Variants in ZNF778 observed in about 807,000 individuals in gnomAD.
ZNF778 encodes zinc finger protein 778.
ZNF778 carries 37 observed loss-of-function variants against 23.9 expected under a neutral mutation model. The observed-to-expected ratio is 1.54, with a 90% CI of 1.19 to 2.03. The LOEUF (loss-of-function observed/expected upper bound fraction) is 2.03. Among genes scored for constraint, ZNF778 ranks in the 30% most tolerant of loss-of-function variants. ZNF778 has a pLI of 0.00. For synonymous variants in ZNF778, 483 were observed against 343.9 expected (o/e 1.40, Z -4.48); for missense variants, 1,297 against 934.4 (o/e 1.39, Z -5.06).
At position 89,232,819 on chromosome 16, in the gene ZNF778, C is replaced by T. The variant is rs62068537; in HGVS notation, c.*4257C>T. 1,097,455 of 1,275,556 alleles carry T rather than the reference C, an allele frequency of 0.86. 478,312 individuals carry two copies. The highest frequency in any genetic ancestry group is 0.9 in the Non-Finnish European group (878,148 of 978,222). 79.0% of individuals were successfully genotyped at this position (1,275,556 alleles called of 1,614,324 possible). A position where few individuals can be genotyped will look rare whatever the true frequency, so the allele number is the denominator to read the frequency against. On this transcript the variant is annotated 3_prime_UTR_variant, in exon 7 of 7. Coordinates refer to ENST00000433976, the MANE Select transcript of ZNF778 (RefSeq NM_001201407.2). ...TCAACTCACTGCATATGCAACTCAA[C>T]TCACACCGTATATGCAACTCAACTC...
chr16:89,227,509 C>G lies in ZNF778; in HGVS notation c.1221C>G (p.Cys407Trp). 1 of 1,613,876 alleles carries G rather than the reference C, an allele frequency of 6.2e-7. No individual in the cohort carries two copies. The highest frequency in any genetic ancestry group is 8.5e-7 in the Non-Finnish European group (1 of 1,179,934). The change falls in exon 7 of 7, where the codon TGC becomes TGG. Residue 407 changes from cysteine to tryptophan, a missense_variant. Cys to Trp is a radical substitution (Grantham distance 215). Coordinates refer to ENST00000433976, the MANE Select transcript of ZNF778 (RefSeq NM_001201407.2). Reference protein sequence around the residue: ...VCGKYFRNSSCLNNHVRIHTG... With the variant: ...VCGKYFRNSSWLNNHVRIHTG... ...GAAAATATTTTAGAAATTCCTCATG[C>G]CTTAATAATCATGTTCGAATTCACA...
At chr16:89,220,848 A>G in intron 1 of ZNF778, 149 bp from the exon 2 acceptor site, 1 of 440,862 alleles carries the variant, frequency 2.3e-6, no homozygotes, top group Non-Finnish European at 4.2e-6. Flanking sequence ...TTTGACCCAT[A>G]TACTGCTCTT....
At position 89,231,662 on chromosome 16, in the gene ZNF778, C is replaced by CT. The variant is rs1371424466; in HGVS notation, c.*3101dup. 2 of 152,188 alleles carry CT rather than the reference C, an allele frequency of 1.3e-5. No individual in the cohort carries two copies. Among genetic ancestry groups the CT allele is most frequent in the Non-Finnish European group, 2.9e-5 (2 of 68,056 alleles). 9.4% of individuals were successfully genotyped at this position (152,188 alleles called of 1,614,324 possible). On this transcript the variant is annotated 3_prime_UTR_variant, in exon 7 of 7. Transcript: ENST00000433976. ...GTAATCTCAACCAAAACCCACAGCC[C>CT]TGCACCCCTTGCCTGTAGGAAAATC...
At position 89,232,986 on chromosome 16, in the gene ZNF778, G is replaced by A. The variant is rs550343196; in HGVS notation, c.*4424G>A. The A allele has an allele frequency of 3.2e-6, 4 of 1,261,914 alleles. No individual in the cohort carries two copies. The highest frequency in any genetic ancestry group is 4.1e-6 in the Non-Finnish European group (4 of 976,206). The allele number at this position is 1,261,914 out of a possible 1,614,324, so 78.2% of individuals were successfully genotyped here. On this transcript the variant is annotated 3_prime_UTR_variant, in exon 7 of 7. Transcript: ENST00000433976. ...CTGCGTATGCAACTGAGCTCGCTCT[G>A]CGTATGCAACCCAGCTCGCTCTGCG...
Position 89,227,586 on chromosome 16 carries a change from G to A in ZNF778, c.1298G>A (p.Arg433His), listed in dbSNP as rs190399970. 159 of 1,614,100 alleles carry A rather than the reference G, an allele frequency of 9.9e-5. No homozygotes were observed. Among genetic ancestry groups the A allele is most frequent in the South Asian group, 7.6e-4 (69 of 91,078 alleles). ...TACTGTGGGAAGGCCTTCACTGTGCGCTGTGGCCTTACTAGACACGTACGA... is the reference window on the plus strand; with the variant it reads ...TACTGTGGGAAGGCCTTCACTGTGCACTGTGGCCTTACTAGACACGTACGA... Reference protein sequence around the residue: ...CSYCGKAFTVRCGLTRHVRTH... With the variant: ...CSYCGKAFTVHCGLTRHVRTH... Residue 433 changes from arginine (R) to histidine (H), a missense_variant, in exon 7 of 7, where the codon CGC becomes CAC. Transcript: ENST00000433976.
intron 1 of ZNF778, among the ~76,000 whole-genome samples, chr16:89,218,558 G>C (rs1320892748): frequency 1.3e-5 from 2 of 152,164 alleles, no homozygotes; most frequent in African/African-American, 4.8e-5. Context: ...TTGGGAGGCC[G>C]AGGCGGGTGG....
Position 89,234,743 on chromosome 16 carries a change from C to T in ZNF778, c.*6181C>T, listed in dbSNP as rs144925674. On this transcript the variant is annotated 3_prime_UTR_variant, in exon 7 of 7. Transcript: ENST00000433976. ...CCATCCTGGCCAACATGGTGAAACG[C>T]CATCTCTACTAAAAATAGAAAAATT... 6.6e-6 allele frequency: 1 copy of T among 152,484 alleles called. No individual in the cohort carries two copies. The highest frequency in any genetic ancestry group is 2.4e-5 in the African/African-American group (1 of 41,520). 9.4% of individuals were successfully genotyped at this position (152,484 alleles called of 1,614,324 possible).
At position 89,233,688 on chromosome 16, in the gene ZNF778, T is replaced by TCA. The variant is rs2032125320; in HGVS notation, c.*5126_*5127insCA. ...ACTCGCACTGCGTATGCAAATCAAC[T>TCA]TACTGCATATGCAACTCAACTCACT... On this transcript the variant is annotated 3_prime_UTR_variant, in exon 7 of 7. Coordinates refer to ENST00000433976, the MANE Select transcript of ZNF778 (RefSeq NM_001201407.2). 4.5e-5 allele frequency: 58 copies of TCA among 1,278,910 alleles called. 2 individuals carry two copies. In the South Asian group the frequency reaches 7.2e-4, roughly 16 times the overall value. The allele number at this position is 1,278,910 out of a possible 1,614,324, so 79.2% of individuals were successfully genotyped here.
At position 89,227,305 on chromosome 16, in the gene ZNF778, T is replaced by C; in HGVS notation, c.1017T>C (p.Cys339=). 5 of 1,613,886 alleles carry C rather than the reference T, an allele frequency of 3.1e-6. No homozygotes were observed. Among genetic ancestry groups the C allele is most frequent in the Non-Finnish European group, 4.2e-6 (5 of 1,179,816 alleles). Residue 339 remains cysteine, a synonymous_variant, in exon 7 of 7, where the codon TGT becomes TGC. Transcript: ENST00000433976. ...RIHAAEKPCE[C]KECGKAFTGL... is the part of the protein sequence containing the mutation. ...ATGCTGCAGAGAAACCCTGTGAATG[T>C]AAAGAATGCGGAAAAGCCTTCACTG...
intron 1 of ZNF778, among the ~76,000 whole-genome samples, chr16:89,220,308 G>T (rs542357998): frequency 6.6e-6 from 1 of 152,306 alleles, no homozygotes; most frequent in South Asian, 2.1e-4. Flanking sequence ...AGAAAGTACA[G>T]CTCTAGACCT....
Position 89,228,726 on chromosome 16 carries a change from A to C in ZNF778, c.*164A>C. 1.4e-6 allele frequency: 2 copies of C among 1,427,584 alleles called. No homozygotes were observed. Among genetic ancestry groups the C allele is most frequent in the Non-Finnish European group, 1.8e-6 (2 of 1,095,290 alleles). 88.4% of individuals were successfully genotyped at this position (1,427,584 alleles called of 1,614,324 possible). A position where few individuals can be genotyped will look rare whatever the true frequency, so the allele number is the denominator to read the frequency against. ...CACCCTGGAGCCCTATGCAGCAGAC[A>C]CAGAGAAAGCCCTCAGTGTTCTCTA... On this transcript the variant is annotated 3_prime_UTR_variant, in exon 7 of 7. Transcript: ENST00000433976.
At position 89,228,276 on chromosome 16, in the gene ZNF778, A is replaced by C; in HGVS notation, c.1988A>C (p.His663Pro). Residue 663 changes from histidine to proline, a missense_variant, in exon 7 of 7, where the codon CAC (histidine) becomes CCC (proline). Physicochemically the swap from His to Pro is moderately conservative, Grantham distance 77. Transcript: ENST00000433976. ...AFASSSHLIE[H>P]RRTHTGEKPY... is the part of the protein sequence containing the mutation. ...GCTTCCTCCTCACACCTTATCGAAC[A>C]CAGAAGGACTCACACAGGAGAGAAA... 2.5e-6 allele frequency: 4 copies of C among 1,605,664 alleles called. No homozygotes were observed. Among genetic ancestry groups the C allele is most frequent in the Non-Finnish European group, 3.4e-6 (4 of 1,173,244 alleles).
Position 89,232,860 on chromosome 16 carries a change from A to ATCAACTCTCACTGCGTATGCAAC in ZNF778, c.*4305_*4306insTCACTGCGTATGCAACTCAACTC. The ATCAACTCTCACTGCGTATGCAAC allele has an allele frequency of 8.8e-7, 1 of 1,141,286 alleles. No homozygotes were observed. Among genetic ancestry groups the ATCAACTCTCACTGCGTATGCAAC allele is most frequent in the African/African-American group, 1.8e-5 (1 of 56,612 alleles). The allele number at this position is 1,141,286 out of a possible 1,614,324, so 70.7% of individuals were successfully genotyped here. A position where few individuals can be genotyped will look rare whatever the true frequency, so the allele number is the denominator to read the frequency against. On this transcript the variant is annotated 3_prime_UTR_variant, in exon 7 of 7. Coordinates refer to ENST00000433976, the MANE Select transcript of ZNF778 (RefSeq NM_001201407.2). ...AACTCAACTCACACCGTGTATGCAA[A>ATCAACTCTCACTGCGTATGCAAC]TCAACTCGCACTGCGTATGCAACTC...
Position 89,234,015 on chromosome 16 carries a change from C to G in ZNF778, c.*5453C>G. 1 of 1,124,028 alleles carries G rather than the reference C, an allele frequency of 8.9e-7. No individual in the cohort carries two copies. Among genetic ancestry groups the G allele is most frequent in the Non-Finnish European group, 1.2e-6 (1 of 837,886 alleles). The allele number at this position is 1,124,028 out of a possible 1,614,324, so 69.6% of individuals were successfully genotyped here. On this transcript the variant is annotated 3_prime_UTR_variant, in exon 7 of 7. Transcript: ENST00000433976. Reference sequence around the variant, plus strand: ...CCCTGTCCTGCCTTTCCTGTGAAAACCCTGTGGCCTCTGCCTCCCCTGGCT... The same window carrying G: ...CCCTGTCCTGCCTTTCCTGTGAAAAGCCTGTGGCCTCTGCCTCCCCTGGCT...
At chr16:89,221,798 G>C (rs2030980187) in intron 2 of ZNF778, among the ~76,000 whole-genome samples, 1 of 150,530 alleles carries the variant, frequency 6.6e-6, no homozygotes, top group African/African-American at 2.4e-5. Flanking sequence ...GTGTGTGTGT[G>C]TGTTCCTCAG....
chr16:89,224,713 G>T lies in ZNF778; in HGVS notation c.245-6G>T. ...CTTCCATCGATGTCTCTTTCCCTGT[G>T]TACAGGACATCACCTGTTCCAACCC... On this transcript the variant is annotated splice_polypyrimidine_tract_variant and splice_region_variant and intron_variant, in intron 4 of 6. Coordinates refer to ENST00000433976, the MANE Select transcript of ZNF778 (RefSeq NM_001201407.2). 3.3e-6 allele frequency: 5 copies of T among 1,534,716 alleles called. No homozygotes were observed. Among genetic ancestry groups the T allele is most frequent in the East Asian group, 2.5e-5 (1 of 40,808 alleles).
At position 89,233,696 on chromosome 16, in the gene ZNF778, T is replaced by C. The variant is rs1221806028; in HGVS notation, c.*5134T>C. On this transcript the variant is annotated 3_prime_UTR_variant, in exon 7 of 7. Coordinates refer to ENST00000433976, the MANE Select transcript of ZNF778 (RefSeq NM_001201407.2). Reference sequence around the variant, plus strand: ...TGCGTATGCAAATCAACTTACTGCATATGCAACTCAACTCACTGCGTATGC... The same window carrying C: ...TGCGTATGCAAATCAACTTACTGCACATGCAACTCAACTCACTGCGTATGC... The C allele has an allele frequency of 2.3e-6, 3 of 1,282,138 alleles. No individual in the cohort carries two copies. Among genetic ancestry groups the C allele is most frequent in the South Asian group, 1.3e-5 (1 of 79,598 alleles). 79.4% of individuals were successfully genotyped at this position (1,282,138 alleles called of 1,614,324 possible). A position where few individuals can be genotyped will look rare whatever the true frequency, so the allele number is the denominator to read the frequency against.
rs1317835166 is a variant in ZNF778 at position 89,217,769 on chromosome 16, TCGGGCTGTCCG to T, written c.-268_-258del. ...GCGCCGGAGAGTTCCGCGCGTGTCC[TCGGGCTGTCCG>T]CGGGGAAGCTGGTCCGGGAGTGGGC... On this transcript the variant is annotated 5_prime_UTR_variant, in exon 1 of 7. Transcript: ENST00000433976. The T allele has an allele frequency of 1.3e-5, 2 of 152,168 alleles. No individual in the cohort carries two copies. Among genetic ancestry groups the T allele is most frequent in the African/African-American group, 4.8e-5 (2 of 41,414 alleles). 9.4% of individuals were successfully genotyped at this position (152,168 alleles called of 1,614,324 possible).
chr16:89,224,567 C>T (rs372036943), intron 4 of ZNF778, 152 bp from the exon 5 acceptor site: 5 of 555,688 alleles, frequency 9.0e-6, no homozygotes, highest in African/African-American at 3.7e-5. Flanking sequence ...TGCAGTGAGC[C>T]GAGATTGCAC....
Sources: allele counts gnomAD v4.1 joint callset (sites outside exome capture counted in the v4.1 genomes callset), GRCh38; gene constraint gnomAD v4.1.1; transcripts MANE v1.5; gene names NCBI Gene and HGNC (gene_info 2026-07-23, HGNC 2026-07-21).